MAN2A1: variants seen among roughly 807,000 people sequenced by gnomAD.
MAN2A1 encodes the protein mannosidase alpha class 2A member 1, also known as alpha-mannosidase 2.
MAN2A1 carries 76 observed loss-of-function variants against 142.6 expected under a neutral mutation model. That is an observed-to-expected ratio of 0.53 (90% confidence interval 0.44 to 0.65). MAN2A1 has a LOEUF of 0.65. Ranked by LOEUF, MAN2A1 falls within the 30% of genes least tolerant of loss-of-function variation. MAN2A1 has a pLI of 0.00. For synonymous variants in MAN2A1, 559 were observed against 473.2 expected, an observed-to-expected ratio of 1.18 and a Z score of -2.35; for missense variants, 1,311 against 1,365.1, an observed-to-expected ratio of 0.96 and a Z score of 0.62.
At chr5:109,731,824 A>C (rs6897420) in intron 4 of MAN2A1, among the ~76,000 whole-genome samples, 1 of 146,336 alleles carries the variant, frequency 6.8e-6, no homozygotes, top group East Asian at 2.0e-4. Flanking sequence ...ATAAACATAC[A>C]TGTGCATGTG....
At chr5:109,734,023 A>G (rs1205088913) in intron 4 of MAN2A1, among the ~76,000 whole-genome samples, 1 of 152,186 alleles carries the variant, frequency 6.6e-6, no homozygotes, top group Non-Finnish European at 1.5e-5. Context: ...GCTATTGATT[A>G]TTGCCACAAT....
At chr5:109,772,050 C>G (rs1031736667) in intron 7 of MAN2A1, among the ~76,000 whole-genome samples, 12 of 150,192 alleles carry the variant, frequency 8.0e-5, no homozygotes, top group African/African-American at 2.4e-4. Flanking sequence ...TTCCAGGCAC[C>G]TGGGGGCATA....
At chr5:109,735,274 G>A (rs547823670) in intron 4 of MAN2A1, among the ~76,000 whole-genome samples, 3,377 of 151,950 alleles carry the variant, frequency 0.022, 107 homozygotes, top group African/African-American at 0.077. Flanking sequence ...GTCTCTGCAC[G>A]TGAGATGGGT....
rs768238978 is a variant in MAN2A1 at position 109,842,806 on chromosome 5, G to GTTTTTTT, written c.2700+356_2700+362dup. Among the ~76,000 whole-genome samples the GTTTTTTT allele has an allele frequency of 3.3e-4, 38 of 116,180 alleles. 4 individuals are homozygous for GTTTTTTT. The highest frequency in any genetic ancestry group is 5.9e-4 in the Non-Finnish European group (34 of 57,774). 76.2% of individuals were successfully genotyped at this position (116,180 alleles called of 152,430 possible). ...GGGATTGATGGATTATACTTATTGG[G>GTTTTTTT]TTTTTTTTTTTTTTTTTGAGAAAGA... On this transcript the variant is annotated intron_variant, in intron 17 of 21. Coordinates refer to ENST00000261483, the MANE Select transcript of MAN2A1 (RefSeq NM_002372.4).
intron 16 of MAN2A1, among the ~76,000 whole-genome samples, chr5:109,841,314 A>G (rs1755198294): frequency 6.6e-6 from 1 of 152,054 alleles, no homozygotes; most frequent in Non-Finnish European, 1.5e-5. Flanking sequence ...CTTCCTCCCA[A>G]GTCCCCAAAG....
At chr5:109,721,697 G>T (rs1561478081) in intron 3 of MAN2A1, among the ~76,000 whole-genome samples, 1 of 152,154 alleles carries the variant, frequency 6.6e-6, no homozygotes, top group Non-Finnish European at 1.5e-5. Context: ...AGAATAGATG[G>T]TTTGGTCTCT....
intron 8 of MAN2A1, among the ~76,000 whole-genome samples, chr5:109,780,461 A>C (rs564532525): frequency 6.6e-6 from 1 of 151,858 alleles, no homozygotes; most frequent in Non-Finnish European, 1.5e-5. Flanking sequence ...GTAGAGATGG[A>C]ATTCAAAGCT....
In MAN2A1 at chr5:109,771,457, G is replaced by T. The variant is rs560284494; in HGVS notation, c.1196+916G>T. On this transcript the variant is annotated intron_variant, in intron 7 of 21. Coordinates refer to ENST00000261483, the MANE Select transcript of MAN2A1 (RefSeq NM_002372.4). ...ATTTTCTTTGTGAGCCTCTCACTGT[G>T]GCAGACATGAAGGTGTTTTAGCATG... 6.6e-5 allele frequency among the ~76,000 whole-genome samples: 10 copies of T among 152,238 alleles called. No homozygotes were observed. The East Asian group carries it at 1.7e-3, about 27-fold the overall frequency.
At chr5:109,796,469 T>C (rs1369377406) in intron 12 of MAN2A1, among the ~76,000 whole-genome samples, 1 of 152,230 alleles carries the variant, frequency 6.6e-6, no homozygotes, top group Admixed American at 6.5e-5. Context: ...TTTAACTCTT[T>C]CTGTTAATAG....
chr5:109,859,971 C>T (rs780739556), intron 20 of MAN2A1, among the ~76,000 whole-genome samples: 74 of 147,712 alleles, frequency 5.0e-4, no homozygotes, highest in Middle Eastern at 3.6e-3. Context: ...AACTCTTTCT[C>T]TATGTAATTT....
chr5:109,851,571 C>T (rs1033526781), intron 19 of MAN2A1, among the ~76,000 whole-genome samples: 5 of 152,188 alleles, frequency 3.3e-5, no homozygotes, highest in African/African-American at 9.6e-5. Context: ...TCACCAGATG[C>T]CAGTGCCATG....
rs1048492786 is a variant in MAN2A1, at chr5:109,864,958, C to G, written c.3172-78C>G. The G allele has an allele frequency of 2.1e-5, 21 of 976,976 alleles. No homozygotes were observed. The Admixed American group carries it at 3.7e-4, about 17-fold the overall frequency. 60.5% of individuals were successfully genotyped at this position (976,976 alleles called of 1,614,324 possible). A position where few individuals can be genotyped will look rare whatever the true frequency, so the allele number is the denominator to read the frequency against. ...TAAATGTGCTTTTGGATGCTGACAT[C>G]GAGAGAGTGGTGTGTGAAGTACCAT... On this transcript the variant is annotated intron_variant, in intron 20 of 21. Coordinates refer to ENST00000261483, the MANE Select transcript of MAN2A1 (RefSeq NM_002372.4).
At chr5:109,734,336 A>AT (rs1582838094) in intron 4 of MAN2A1, among the ~76,000 whole-genome samples, 2 of 139,312 alleles carry the variant, frequency 1.4e-5, no homozygotes, top group African/African-American at 5.3e-5. Flanking sequence ...GGATTCATTG[A>AT]TTTTTTTGAA....
At position 109,717,780 on chromosome 5, in the gene MAN2A1, A is replaced by T. The variant is rs540118937; in HGVS notation, c.535+1516A>T. Among the ~76,000 whole-genome samples, 51 of 152,326 alleles carry T rather than the reference A, an allele frequency of 3.3e-4. No individual in the cohort carries two copies. The South Asian group carries it at 9.9e-3, about 30-fold the overall frequency. On this transcript the variant is annotated intron_variant, in intron 3 of 21. Coordinates refer to ENST00000261483, the MANE Select transcript of MAN2A1 (RefSeq NM_002372.4). ...TGTGTATCTGTAAAATGGAGATCAT[A>T]CAGGTGGAGTAACATCTTAAGCCAG...
At chr5:109,738,233 GTTTTTTTT>G (rs70999941) in intron 4 of MAN2A1, among the ~76,000 whole-genome samples, 1 of 122,586 alleles carries the variant, frequency 8.2e-6, no homozygotes, top group African/African-American at 3.2e-5. Flanking sequence ...GGTATTTTAT[GTTTTTTTT>G]TTTTTTTTTT....
rs561843725 is a variant in MAN2A1, at chr5:109,704,618, A to G, written c.136-8902A>G. Among the ~76,000 whole-genome samples the G allele has an allele frequency of 2.6e-5, 4 of 152,218 alleles. No homozygotes were observed. The South Asian group carries it at 8.3e-4, about 32-fold the overall frequency. On this transcript the variant is annotated intron_variant, in intron 1 of 21. Coordinates refer to ENST00000261483, the MANE Select transcript of MAN2A1 (RefSeq NM_002372.4). ...GTGGGCGCTTGGAGGGTTACCTGTC[A>G]TTTTATCAAGCCCAAAAGCCTTCCT...
At chr5:109,768,972 G>A (rs757936921) in intron 6 of MAN2A1, among the ~76,000 whole-genome samples, 14 of 152,294 alleles carry the variant, frequency 9.2e-5, no homozygotes, top group African/African-American at 1.2e-4. Context: ...CTTGCTTATA[G>A]GGAAATTCCA....
intron 9 of MAN2A1, among the ~76,000 whole-genome samples, chr5:109,782,620 A>G (rs1753491772): frequency 6.6e-6 from 1 of 152,136 alleles, no homozygotes; most frequent in African/African-American, 2.4e-5. Context: ...ACATTTTGGA[A>G]AGGCTTTTTA....
At chr5:109,709,313 G>A (rs974298556) in intron 1 of MAN2A1, among the ~76,000 whole-genome samples, 4 of 152,196 alleles carry the variant, frequency 2.6e-5, no homozygotes, top group African/African-American at 9.6e-5. Flanking sequence ...TTACATTACT[G>A]AGAATGAGTT....
Sources: gnomAD v4.1 joint callset for allele counts (sites outside exome capture counted in the v4.1 genomes callset) on GRCh38, gnomAD v4.1.1 for gene constraint, MANE v1.5 for transcripts, NCBI Gene and HGNC (gene_info 2026-07-23, HGNC 2026-07-21) for gene names.